Variants in AMZ1 observed in about 807,000 individuals in gnomAD.
AMZ1 encodes the protein archaemetzincin-1.
AMZ1 carries 39 observed loss-of-function variants against 29.9 expected under a neutral mutation model. The ratio of observed to expected loss-of-function variants is 1.30; its 90% CI spans 1.01 to 1.70. AMZ1 has a LOEUF of 1.70. Ranked by LOEUF, AMZ1 falls within the 40% of genes most tolerant of loss-of-function variation. The pLI is 0.00. For missense variants in AMZ1, 1,041 were observed against 680.6 expected, an observed-to-expected ratio of 1.53 and a Z score of -5.89; for synonymous variants, 458 against 304.0, an observed-to-expected ratio of 1.51 and a Z score of -5.27.
chr7:2,685,444 G>C (rs1333136217), upstream of AMZ1, among the ~76,000 whole-genome samples: 1 of 151,818 alleles, frequency 6.6e-6, no homozygotes, highest in East Asian at 2.0e-4. Flanking sequence ...TGTAATCGCA[G>C]CTACTTGGGT....
At chr7:2,701,087 C>A (rs139160556) in intron 2 of AMZ1, among the ~76,000 whole-genome samples, 1 of 152,166 alleles carries the variant, frequency 6.6e-6, no homozygotes, top group Non-Finnish European at 1.5e-5. Context: ...AAGATCACGC[C>A]GGGTGTGGTG....
chr7:2,761,888 G>C (rs185874142), upstream of AMZ1, among the ~76,000 whole-genome samples: 4 of 152,254 alleles, frequency 2.6e-5, no homozygotes, highest in East Asian at 5.8e-4. Context: ...CTTCCAGCTG[G>C]TCCAGTTTTC....
At chr7:2,726,183 G>A (rs1320505939) in intron 4 of AMZ1, among the ~76,000 whole-genome samples, 1 of 152,232 alleles carries the variant, frequency 6.6e-6, no homozygotes, top group Non-Finnish European at 1.5e-5. Flanking sequence ...ATGTGCGTGA[G>A]GAAAGATTAG....
In AMZ1 at chr7:2,737,264, G is replaced by GTTTTTTTT. The variant is rs201866976; in HGVS notation, n.551-27444_551-27443insTTTTTTTT. 1.1e-4 allele frequency among the ~76,000 whole-genome samples: 6 copies of GTTTTTTTT among 52,482 alleles called. 1 individual carries two copies. The highest frequency in any genetic ancestry group is 6.6e-4 in the East Asian group (1 of 1,510). The allele number at this position is 52,482 out of a possible 152,430, so 34.4% of individuals were successfully genotyped here. ...CTGCCCATTCAGGAGCTATCTCACA[G>GTTTTTTTT]TTTTGTTTTGTTTTTTTTTTTTTTG... On this transcript the variant is annotated intron_variant and non_coding_transcript_variant, in intron 4 of 4. Coordinates refer to the AMZ1 transcript ENST00000489665.
Position 2,716,411 on chromosome 7 carries a change from C to T in AMZ1, c.*3533C>T, listed in dbSNP as rs1018776126. Reference sequence around the variant, plus strand: ...CGGGACAGTGAGTGGAGCTCTGCCACCACCCGTTTCCAGAGCATGGGTGAG... The same window carrying T: ...CGGGACAGTGAGTGGAGCTCTGCCATCACCCGTTTCCAGAGCATGGGTGAG... On this transcript the variant is annotated 3_prime_UTR_variant, in exon 7 of 7. Transcript: ENST00000683327. 6.6e-6 allele frequency: 1 copy of T among 152,238 alleles called. No homozygotes were observed. Among genetic ancestry groups the T allele is most frequent in the Non-Finnish European group, 1.5e-5 (1 of 68,060 alleles). 9.4% of individuals were successfully genotyped at this position (152,238 alleles called of 1,614,324 possible).
At chr7:2,697,537 C>T (rs550380580) in intron 1 of AMZ1, among the ~76,000 whole-genome samples, 21 of 152,222 alleles carry the variant, frequency 1.4e-4, no homozygotes, top group East Asian at 3.9e-4. Context: ...GATCCTTCCA[C>T]GTCAGCCTCC....
At chr7:2,745,662 C>G (rs966158262) in intron 4 of AMZ1, among the ~76,000 whole-genome samples, 3 of 152,186 alleles carry the variant, frequency 2.0e-5, no homozygotes, top group Non-Finnish European at 4.4e-5. Flanking sequence ...CAAATTCACA[C>G]ATAACAATAT....
At chr7:2,734,160 C>T (rs555725647) in intron 4 of AMZ1, among the ~76,000 whole-genome samples, 1 of 152,228 alleles carries the variant, frequency 6.6e-6, no homozygotes, top group South Asian at 2.1e-4. Flanking sequence ...AAGGGCCCTG[C>T]GGAATCACCC....
At chr7:2,728,702 A>G (rs1789731252) in intron 4 of AMZ1, 1 of 149,878 alleles carries the variant, frequency 6.7e-6, no homozygotes, top group Non-Finnish European at 1.5e-5. Flanking sequence ...GGTTCTGGAG[A>G]CAAAACTGAC....
At chr7:2,741,685 C>G (rs561174065) in intron 4 of AMZ1, among the ~76,000 whole-genome samples, 14 of 152,118 alleles carry the variant, frequency 9.2e-5, no homozygotes, top group African/African-American at 3.1e-4. Context: ...TTCGCTCGCT[C>G]TCTTTCAATA....
chr7:2,722,644 G>A (rs947088423), downstream of AMZ1, among the ~76,000 whole-genome samples: 1 of 152,218 alleles, frequency 6.6e-6, no homozygotes, highest in African/African-American at 2.4e-5. Context: ...GAGACTGACA[G>A]ATGCAACAGA....
chr7:2,709,837 G>T (rs1788649924), intron 6 of AMZ1, 21 bp downstream of exon 6: 4 of 1,609,438 alleles, frequency 2.5e-6, no homozygotes, highest in South Asian at 1.1e-5. Flanking sequence ...GAGTTGCGCT[G>T]CCCGGCTGCT....
Position 2,708,663 on chromosome 7 carries a change from T to C in AMZ1, c.548T>C (p.Leu183Pro), listed in dbSNP as rs1156486136. 2.5e-6 allele frequency: 4 copies of C among 1,613,074 alleles called. No individual in the cohort carries two copies. The highest frequency in any genetic ancestry group is 1.1e-5 in the South Asian group (1 of 91,080). ...LCVLGLTLSDLYPHEAWSFTF... is the reference protein window; with the variant it reads ...LCVLGLTLSDPYPHEAWSFTF... ...GTGCTGGGCCTCACACTGTCTGACC[T>C]GTACCCCCATGAGGCCTGGAGCTTC... Residue 183 changes from leucine to proline, a missense_variant, in exon 4 of 7, where the codon CTG (leucine) becomes CCG (proline). Transcript: ENST00000683327.
At chr7:2,701,629 G>A (rs1158330925) in intron 2 of AMZ1, among the ~76,000 whole-genome samples, 2 of 152,234 alleles carry the variant, frequency 1.3e-5, no homozygotes, top group African/African-American at 4.8e-5. Flanking sequence ...GAGCAGCCTG[G>A]CAGAGACAGC....
Position 2,710,500 on chromosome 7 carries a change from G to A in AMZ1, c.948+684G>A, listed in dbSNP as rs117805952. On this transcript the variant is annotated intron_variant, in intron 6 of 6. Transcript: ENST00000683327. ...AAGCCCCTGCATCCTCCTCCCGCCC[G>A]TTGAGGCAAGTGGGGGTGTGGTTCC... is the stretch of plus-strand genomic sequence containing the variant. Among the ~76,000 whole-genome samples, 1,001 of 152,260 alleles carry A rather than the reference G, an allele frequency of 6.6e-3. 55 individuals are homozygous for A. In the East Asian group the frequency reaches 0.14, roughly 21 times the overall value.
Position 2,700,658 on chromosome 7 carries a change from C to A in AMZ1, c.207C>A (p.Ser69Arg). The A allele has an allele frequency of 6.2e-7, 1 of 1,612,216 alleles. No individual in the cohort carries two copies. Among genetic ancestry groups the A allele is most frequent in the South Asian group, 1.1e-5 (1 of 91,086 alleles). The change falls in exon 2 of 7, where the codon AGC (serine) becomes AGA (arginine). Residue 69 changes from serine (S) to arginine (R), a missense_variant. Transcript: ENST00000683327. ...GCACGGGCTTCGACTGGCTCCTGAGCCGACCCGAGGCTCCCGAGGACTTCC... is the reference window on the plus strand; with the variant it reads ...GCACGGGCTTCGACTGGCTCCTGAGACGACCCGAGGCTCCCGAGGACTTCC... ...LIRTGFDWLL[S>R]RPEAPEDFQT...
chr7:2,693,658 C>G (rs71527403), intron 1 of AMZ1, among the ~76,000 whole-genome samples: 4 of 152,190 alleles, frequency 2.6e-5, no homozygotes, highest in Non-Finnish European at 4.4e-5. Context: ...CGGGTTCACT[C>G]CATTCTCCAG....
chr7:2,689,376 G>A (rs1033791326), intron 1 of AMZ1, among the ~76,000 whole-genome samples: 2 of 152,094 alleles, frequency 1.3e-5, no homozygotes, highest in African/African-American at 4.8e-5. Context: ...TCCCTGGGGG[G>A]GGGATGCGGA....
chr7:2,737,886 A>C (rs766878415), intron 4 of AMZ1, among the ~76,000 whole-genome samples: 1 of 152,226 alleles, frequency 6.6e-6, no homozygotes, highest in Non-Finnish European at 1.5e-5. Flanking sequence ...AGAATCTTTC[A>C]AAATACTTTT....
Sources: allele counts gnomAD v4.1 joint callset (sites outside exome capture counted in the v4.1 genomes callset), GRCh38; gene constraint gnomAD v4.1.1; transcripts MANE v1.5; gene names NCBI Gene and HGNC (gene_info 2026-07-23, HGNC 2026-07-21).